The following LRRC4C variants were observed in gnomAD, a reference collection of about 807,000 sequenced individuals.
The protein encoded by LRRC4C is leucine rich repeat containing 4C.
In LRRC4C, 5 loss-of-function variants were observed where a neutral mutation model predicts 33.6. That is an observed-to-expected ratio of 0.15 (90% CI 0.08 to 0.31). LRRC4C has a LOEUF of 0.31. Ranked by LOEUF, LRRC4C falls within the 10% of genes least tolerant of loss-of-function variation. The pLI, the probability that LRRC4C is intolerant of heterozygous loss-of-function variation, is 1.00. For missense variants in LRRC4C, 560 were observed against 796.7 expected (o/e 0.70, Z 3.58); for synonymous variants, 329 against 302.0 (o/e 1.09, Z -0.93).
chr11:40,836,057 T>C (rs934589058), intron 2 of LRRC4C, among the ~76,000 whole-genome samples: 1 of 152,130 alleles, frequency 6.6e-6, no homozygotes, highest in African/African-American at 2.4e-5. Context: ...AAAAGAAAAA[T>C]TGAATAATCT....
chr11:40,749,971 A>G (rs1017963895), intron 2 of LRRC4C, among the ~76,000 whole-genome samples: 1 of 152,172 alleles, frequency 6.6e-6, no homozygotes, highest in African/African-American at 2.4e-5. Flanking sequence ...AATAATTAGT[A>G]ACGACATTGA....
At chr11:40,907,588 G>A (rs1057265813) in intron 2 of LRRC4C, among the ~76,000 whole-genome samples, 17 of 152,172 alleles carry the variant, frequency 1.1e-4, no homozygotes, top group African/African-American at 4.1e-4. Flanking sequence ...AGTGAAAGAA[G>A]CTTGGTGACA....
intron 2 of LRRC4C, among the ~76,000 whole-genome samples, chr11:40,932,384 A>C (rs1165684509): frequency 6.6e-6 from 1 of 152,172 alleles, no homozygotes; most frequent in African/African-American, 2.4e-5. Context: ...TGTTTCAAGA[A>C]GTTTGAATGG....
chr11:41,237,767 G>A (rs1028611176), intron 1 of LRRC4C, among the ~76,000 whole-genome samples: 1 of 152,134 alleles, frequency 6.6e-6, no homozygotes, highest in African/African-American at 2.4e-5. Context: ...TCCCGGTAGA[G>A]TGTCAACAGA....
chr11:40,449,401 C>G (rs981679206), intron 3 of LRRC4C, among the ~76,000 whole-genome samples: 1 of 151,554 alleles, frequency 6.6e-6, no homozygotes, highest in Non-Finnish European at 1.5e-5. Flanking sequence ...CCACGGATAC[C>G]TAGGAGAAGG....
chr11:40,681,862 G>T (rs556718996), intron 2 of LRRC4C, among the ~76,000 whole-genome samples: 1 of 152,252 alleles, frequency 6.6e-6, no homozygotes, highest in South Asian at 2.1e-4. Flanking sequence ...ACCAAACATC[G>T]TATTTTCTCA....
intron 2 of LRRC4C, among the ~76,000 whole-genome samples, chr11:40,689,987 T>C (rs1279241931): frequency 6.6e-6 from 1 of 152,104 alleles, no homozygotes; most frequent in Non-Finnish European, 1.5e-5. Context: ...TAGAAAACAT[T>C]TGCTGATTGT....
chr11:40,822,790 T>C (rs561296170), intron 2 of LRRC4C, among the ~76,000 whole-genome samples: 3 of 151,958 alleles, frequency 2.0e-5, no homozygotes, highest in African/African-American at 7.2e-5. Flanking sequence ...CTTTTAGTTA[T>C]TTCCTAGTTT....
At chr11:41,242,899 C>A (rs1489051431) in intron 1 of LRRC4C, among the ~76,000 whole-genome samples, 1 of 152,098 alleles carries the variant, frequency 6.6e-6, no homozygotes, top group South Asian at 2.1e-4. Flanking sequence ...ATTTAATGCT[C>A]TTTTCCCCTA....
chr11:41,007,034 T>C (rs1854805263), intron 1 of LRRC4C, among the ~76,000 whole-genome samples: 1 of 152,138 alleles, frequency 6.6e-6, no homozygotes, highest in African/African-American at 2.4e-5. Context: ...CTCCTACCAC[T>C]TTCATAACTT....
chr11:41,052,697 G>C (rs1385658013), intron 1 of LRRC4C, among the ~76,000 whole-genome samples: 2 of 152,138 alleles, frequency 1.3e-5, no homozygotes, highest in African/African-American at 4.8e-5. Flanking sequence ...TCACTGGTTT[G>C]TGATGAAAAG....
At chr11:40,913,484 G>A (rs140316229) in intron 2 of LRRC4C, among the ~76,000 whole-genome samples, 8,739 of 152,100 alleles carry the variant, frequency 0.057, 814 homozygotes, top group African/African-American at 0.19. Flanking sequence ...AAATAAAGAT[G>A]TTCTTTGAAA....
chr11:41,010,579 C>T (rs1033312659), intron 1 of LRRC4C, among the ~76,000 whole-genome samples: 2 of 152,154 alleles, frequency 1.3e-5, no homozygotes, highest in African/African-American at 2.4e-5. Context: ...TGAAACAATG[C>T]TGTGCCTGAG....
chr11:41,343,475 G>A (rs889853545), intron 1 of LRRC4C, among the ~76,000 whole-genome samples: 3 of 152,184 alleles, frequency 2.0e-5, no homozygotes, highest in South Asian at 4.1e-4. Flanking sequence ...GAAATGATGA[G>A]TTTTAAGTGA....
At chr11:41,272,380 G>A (rs76191147) in intron 1 of LRRC4C, among the ~76,000 whole-genome samples, 259 of 152,128 alleles carry the variant, frequency 1.7e-3, no homozygotes, top group African/African-American at 5.9e-3. Flanking sequence ...TCCTCTGGCT[G>A]CTACACAAAA....
chr11:40,943,669 G>A (rs1361346314), intron 1 of LRRC4C, among the ~76,000 whole-genome samples: 1 of 152,172 alleles, frequency 6.6e-6, no homozygotes, highest in African/African-American at 2.4e-5. Context: ...AGGGGAAGGG[G>A]TAAAAAATGA....
At chr11:40,891,654 G>T (rs989069818) in intron 2 of LRRC4C, among the ~76,000 whole-genome samples, 9 of 152,106 alleles carry the variant, frequency 5.9e-5, no homozygotes, top group African/African-American at 2.2e-4. Context: ...ATAAAAATGT[G>T]CTCAACACCA....
chr11:41,075,875 C>A (rs1428641316), intron 1 of LRRC4C, among the ~76,000 whole-genome samples: 7 of 152,160 alleles, frequency 4.6e-5, no homozygotes, highest in Admixed American at 2.0e-4. Context: ...CTTACTAAAC[C>A]TTTTAGTAAC....
chr11:40,727,797 C>A (rs903857435), intron 2 of LRRC4C, among the ~76,000 whole-genome samples: 1 of 151,892 alleles, frequency 6.6e-6, no homozygotes, highest in Non-Finnish European at 1.5e-5. Context: ...ACCTGTAATC[C>A]CAGCATTTTA....
Sources: gnomAD v4.1 joint callset for allele counts (sites outside exome capture counted in the v4.1 genomes callset) on GRCh38, gnomAD v4.1.1 for gene constraint, MANE v1.5 for transcripts, NCBI Gene and HGNC (gene_info 2026-07-23, HGNC 2026-07-21) for gene names.